KIF26B: variants seen among roughly 807,000 people sequenced by gnomAD.
KIF26B encodes the protein kinesin-like protein KIF26B.
KIF26B carries 63 observed loss-of-function variants against 151.2 expected under a neutral mutation model. That is an observed-to-expected ratio of 0.42 (90% CI 0.34 to 0.51). The LOEUF is 0.51. Among genes scored for constraint, KIF26B ranks in the 20% least tolerant of loss-of-function variants. KIF26B has a pLI of 0.07. For missense variants in KIF26B, 2,813 were observed against 2,913.6 expected (o/e 0.97, Z 0.79); for synonymous variants, 1,357 against 1,262.1 (o/e 1.08, Z -1.59).
chr1:245,460,557 C>T (rs1257203281), intron 4 of KIF26B, among the ~76,000 whole-genome samples: 1 of 152,176 alleles, frequency 6.6e-6, no homozygotes, highest in Non-Finnish European at 1.5e-5. Flanking sequence ...AGTTCGCCCA[C>T]CCCTTAGAGT....
intron 2 of KIF26B, among the ~76,000 whole-genome samples, chr1:245,263,571 A>G (rs1439568499): frequency 9.9e-5 from 15 of 152,220 alleles, no homozygotes. Context: ...GGAGAGAAAG[A>G]TGAAAGGCAG....
intron 2 of KIF26B, among the ~76,000 whole-genome samples, chr1:245,249,144 C>T (rs1670392054): frequency 6.6e-6 from 1 of 152,188 alleles, no homozygotes; most frequent in Non-Finnish European, 1.5e-5. Context: ...TGGAGTCTTG[C>T]TCTTTCGCCC....
chr1:245,692,899 G>A (rs142069575), intron 12 of KIF26B, among the ~76,000 whole-genome samples: 2 of 152,216 alleles, frequency 1.3e-5, no homozygotes, highest in East Asian at 3.9e-4. Flanking sequence ...CCAAGAATGA[G>A]CCCAGGAGGG....
chr1:245,298,950 G>A (rs1289864993), intron 2 of KIF26B, among the ~76,000 whole-genome samples: 1 of 152,214 alleles, frequency 6.6e-6, no homozygotes, highest in African/African-American at 2.4e-5. Context: ...GAGAAGCGCT[G>A]TTCTCAGAGA....
At chr1:245,408,858 C>T (rs1674203997) in intron 3 of KIF26B, among the ~76,000 whole-genome samples, 1 of 152,130 alleles carries the variant, frequency 6.6e-6, no homozygotes, top group Non-Finnish European at 1.5e-5. Flanking sequence ...AGCTCTTACT[C>T]GATCGCAGTT....
intron 2 of KIF26B, among the ~76,000 whole-genome samples, chr1:245,325,843 G>C (rs1671980224): frequency 1.3e-5 from 2 of 152,312 alleles, no homozygotes; most frequent in African/African-American, 4.8e-5. Context: ...CGGAGGGGGG[G>C]TGGTATTGTT....
At chr1:245,558,570 T>C (rs1277737908) in intron 5 of KIF26B, among the ~76,000 whole-genome samples, 10 of 152,218 alleles carry the variant, frequency 6.6e-5, no homozygotes, top group Admixed American at 3.3e-4. Flanking sequence ...TATTTCTCTG[T>C]GCAGAGTTTG....
intron 2 of KIF26B, among the ~76,000 whole-genome samples, chr1:245,311,182 C>T (rs564299372): frequency 2.4e-4 from 36 of 152,266 alleles, no homozygotes; most frequent in African/African-American, 8.2e-4. Context: ...CCTGATTGTT[C>T]CTTTCAGATG....
intron 2 of KIF26B, among the ~76,000 whole-genome samples, chr1:245,297,125 C>T (rs890622128): frequency 6.6e-6 from 1 of 152,096 alleles, no homozygotes; most frequent in Non-Finnish European, 1.5e-5. Context: ...GGTGGATCAC[C>T]AGAGGTCAGG....
chr1:245,435,603 A>G (rs146632927), intron 4 of KIF26B, among the ~76,000 whole-genome samples: 3 of 152,260 alleles, frequency 2.0e-5, no homozygotes, highest in African/African-American at 7.2e-5. Flanking sequence ...TGGTAAGTGC[A>G]TCTCATAGTC....
chr1:245,396,657 A>C (rs1283960270), intron 3 of KIF26B, among the ~76,000 whole-genome samples: 2 of 151,808 alleles, frequency 1.3e-5, no homozygotes, highest in Non-Finnish European at 2.9e-5. Context: ...AAAAAACAAA[A>C]AAAAAACAAC....
chr1:245,700,388 T>G (rs972710490), intron 14 of KIF26B, among the ~76,000 whole-genome samples: 1 of 151,996 alleles, frequency 6.6e-6, no homozygotes, highest in African/African-American at 2.4e-5. Context: ...ATCCCAAAGT[T>G]CAACAACAGG....
intron 10 of KIF26B, among the ~76,000 whole-genome samples, chr1:245,653,422 A>G (rs1254494004): frequency 2.6e-5 from 4 of 152,178 alleles, no homozygotes; most frequent in African/African-American, 4.8e-5. Flanking sequence ...GCCCCCGGTG[A>G]GAGTATTTCC....
chr1:245,283,372 T>C (rs1267490246), intron 2 of KIF26B, among the ~76,000 whole-genome samples: 1 of 152,246 alleles, frequency 6.6e-6, no homozygotes, highest in Non-Finnish European at 1.5e-5. Flanking sequence ...CCCCATATGC[T>C]TTCTTTTTAG....
At chr1:245,455,428 C>T (rs1170630026) in intron 4 of KIF26B, among the ~76,000 whole-genome samples, 3 of 151,930 alleles carry the variant, frequency 2.0e-5, no homozygotes, top group Non-Finnish European at 4.4e-5. Context: ...CGCTTGAACC[C>T]GGGAGGCGGA....
intron 2 of KIF26B, among the ~76,000 whole-genome samples, chr1:245,225,328 T>C (rs1032221729): frequency 2.6e-5 from 4 of 152,202 alleles, no homozygotes; most frequent in Admixed American, 6.5e-5. Flanking sequence ...GGAAACTATT[T>C]CCCATAGTAT....
intron 12 of KIF26B, among the ~76,000 whole-genome samples, chr1:245,696,706 T>A (rs1311155781): frequency 6.6e-6 from 1 of 152,230 alleles, no homozygotes; most frequent in Non-Finnish European, 1.5e-5. Flanking sequence ...AGACATTTGC[T>A]TTATTCCCGT....
intron 2 of KIF26B, among the ~76,000 whole-genome samples, chr1:245,273,096 T>C (rs1034717707): frequency 2.0e-5 from 3 of 152,094 alleles, no homozygotes; most frequent in Admixed American, 1.3e-4. Context: ...TTGGCTGACA[T>C]ACTGTACTCT....
At chr1:245,547,692 C>T (rs576907513) in intron 5 of KIF26B, among the ~76,000 whole-genome samples, 1 of 151,588 alleles carries the variant, frequency 6.6e-6, no homozygotes, top group African/African-American at 2.4e-5. Flanking sequence ...CTGTTGTCTT[C>T]ATTATCAAAT....
Sources: allele counts gnomAD v4.1 joint callset (sites outside exome capture counted in the v4.1 genomes callset), GRCh38; gene constraint gnomAD v4.1.1; transcripts MANE v1.5; gene names NCBI Gene and HGNC (gene_info 2026-07-23, HGNC 2026-07-21).